AKT3: variants seen among roughly 807,000 people sequenced by gnomAD.
AKT3 encodes AKT serine/threonine kinase 3.
AKT3 carries 15 observed loss-of-function variants against 65.3 expected under a neutral mutation model. That is an observed-to-expected ratio of 0.23 (90% CI 0.15 to 0.35). AKT3 has a LOEUF of 0.35. AKT3 is among the 10% of genes least tolerant of loss of function. The pLI, the probability that AKT3 is intolerant of heterozygous loss-of-function variation, is 1.00. For missense variants in AKT3, 243 were observed against 576.5 expected, an observed-to-expected ratio of 0.42 and a Z score of 5.92; for synonymous variants, 206 against 183.8, an observed-to-expected ratio of 1.12 and a Z score of -0.98.
intron 12 of AKT3, among the ~76,000 whole-genome samples, chr1:243,525,057 G>A (rs1162774325): frequency 6.6e-6 from 1 of 152,104 alleles, no homozygotes; most frequent in Admixed American, 6.5e-5. Context: ...AAGTGAAGGA[G>A]GTGAAATTCC....
At chr1:243,829,901 C>G (rs1296171662) in intron 2 of AKT3, among the ~76,000 whole-genome samples, 1 of 152,230 alleles carries the variant, frequency 6.6e-6, no homozygotes, top group Non-Finnish European at 1.5e-5. Context: ...CAGTGACAGA[C>G]TATGAGAAGA....
downstream of AKT3, among the ~76,000 whole-genome samples, chr1:243,495,702 G>A (rs1667670917): frequency 6.6e-6 from 1 of 152,156 alleles, no homozygotes; most frequent in Non-Finnish European, 1.5e-5. Context: ...CTGACAGGTG[G>A]GCGGTCCTGC....
At chr1:243,690,851 C>T (rs902708089) in intron 3 of AKT3, among the ~76,000 whole-genome samples, 6 of 152,100 alleles carry the variant, frequency 3.9e-5, no homozygotes, top group African/African-American at 1.4e-4. Flanking sequence ...TTTCTAAAGG[C>T]TTCATTTTTC....
intron 3 of AKT3, among the ~76,000 whole-genome samples, chr1:243,679,061 C>T (rs1469784184): frequency 6.6e-6 from 1 of 152,096 alleles, no homozygotes; most frequent in Non-Finnish European, 1.5e-5. Context: ...GGATGAAGAC[C>T]TTTATGATCC....
chr1:243,652,585 CAT>C (rs993182563), intron 4 of AKT3, among the ~76,000 whole-genome samples: 13 of 152,066 alleles, frequency 8.5e-5, no homozygotes, highest in Admixed American at 6.6e-4. Flanking sequence ...ATCAAATTCA[CAT>C]GTGACAATAC....
intron 3 of AKT3, among the ~76,000 whole-genome samples, chr1:243,674,132 T>C (rs1489580262): frequency 6.6e-6 from 1 of 152,168 alleles, no homozygotes; most frequent in Admixed American, 6.5e-5. Flanking sequence ...CCTTGGCTAA[T>C]TGAAATCATG....
rs150764667 is a variant in AKT3, at chr1:243,721,754, G to T, written c.47-26038C>A. Among the ~76,000 whole-genome samples the T allele has an allele frequency of 3.3e-3, 505 of 152,052 alleles. 4 individuals carry two copies. The highest frequency in any genetic ancestry group is 0.012 in the African/African-American group (500 of 41,478). On this transcript the variant is annotated intron_variant, in intron 2 of 13. Coordinates refer to ENST00000673466, the MANE Select transcript of AKT3 (RefSeq NM_005465.7). ...ATGTAATCCTACCTACTTTTAGAAG[G>T]TATCAAAATATTTGTAGAATTAAAA... is the stretch of plus-strand genomic sequence containing the variant.
chr1:243,737,807 G>A (rs910424243), intron 2 of AKT3, among the ~76,000 whole-genome samples: 1 of 152,088 alleles, frequency 6.6e-6, no homozygotes. Context: ...GAGCAAAAAG[G>A]ATTTCCCATC....
intron 2 of AKT3, among the ~76,000 whole-genome samples, chr1:243,815,804 A>ATTGTTGTTGTTGTT (rs1693486283): frequency 3.8e-5 from 1 of 26,414 alleles, no homozygotes; most frequent in Non-Finnish European, 1.4e-4. Flanking sequence ...TGTTGTAGAG[A>ATTGTTGTTGTTGTT]TGAGGTTTCA....
intron 8 of AKT3, among the ~76,000 whole-genome samples, chr1:243,581,607 A>G (rs74466119): frequency 0.012 from 1,863 of 152,226 alleles, 16 homozygotes; most frequent in Non-Finnish European, 0.019. Flanking sequence ...TACCTGCATG[A>G]AAATAATTAC....
At chr1:243,581,311 C>A (rs941012748) in intron 8 of AKT3, among the ~76,000 whole-genome samples, 6 of 152,190 alleles carry the variant, frequency 3.9e-5, no homozygotes, top group African/African-American at 1.4e-4. Context: ...TTGGCCATAG[C>A]CTGTGGCAAC....
intron 13 of AKT3, chr1:243,489,012 A>G: frequency 6.2e-7 from 1 of 1,613,392 alleles, no homozygotes; most frequent in African/African-American, 1.3e-5. Context: ...ATTTTTCTCC[A>G]GGCTAAGGCA....
In AKT3 at chr1:243,507,227, C is replaced by A. The variant is rs574300262; in HGVS notation, c.1355-1893G>T. Among the ~76,000 whole-genome samples the A allele has an allele frequency of 2.9e-4, 44 of 152,318 alleles. 1 individual carries two copies. In the South Asian group the frequency reaches 8.9e-3, roughly 31 times the overall value. On this transcript the variant is annotated intron_variant, in intron 13 of 13. Transcript: ENST00000673466. ...TTCCAGCCCGGCGAGGTTCAGCACC[C>A]AGGTTAGCCAGATGCTCAACAGGGG...
intron 6 of AKT3, among the ~76,000 whole-genome samples, chr1:243,617,383 T>C (rs1353443744): frequency 2.6e-5 from 4 of 152,002 alleles, no homozygotes; most frequent in Non-Finnish European, 4.4e-5. Context: ...CAAGTGGCTA[T>C]TTTGTGATAT....
intron 4 of AKT3, among the ~76,000 whole-genome samples, chr1:243,651,424 T>C (rs1316161844): frequency 6.6e-6 from 1 of 152,136 alleles, no homozygotes; most frequent in Non-Finnish European, 1.5e-5. Flanking sequence ...GAACTTTCAA[T>C]ACTATGTTGA....
intron 12 of AKT3, among the ~76,000 whole-genome samples, chr1:243,535,086 TTAAG>T (rs1489334709): frequency 1.3e-5 from 2 of 150,760 alleles, no homozygotes; most frequent in Admixed American, 6.6e-5. Flanking sequence ...TCTAGACATG[TTAAG>T]TAAGTGTATT....
intron 6 of AKT3, among the ~76,000 whole-genome samples, chr1:243,633,523 A>G (rs1679758861): frequency 6.6e-6 from 1 of 152,160 alleles, no homozygotes. Flanking sequence ...CAGAATTGTA[A>G]AGAAGTGGAG....
At chr1:243,627,156 T>C (rs1256619337) in intron 6 of AKT3, among the ~76,000 whole-genome samples, 1 of 152,168 alleles carries the variant, frequency 6.6e-6, no homozygotes, top group African/African-American at 2.4e-5. Flanking sequence ...GCATCAGCAG[T>C]CTCTGACATG....
Position 243,843,210 on chromosome 1 carries a change from C to G in AKT3, c.-40G>C, listed in dbSNP as rs1332401369. ...GAGCCCCCAACTTGGAGAAATGGTACTTTGTGATATCAGCTTTAGGGTTTG... is the reference window on the plus strand; with the variant it reads ...GAGCCCCCAACTTGGAGAAATGGTAGTTTGTGATATCAGCTTTAGGGTTTG... On this transcript the variant is annotated 5_prime_UTR_variant, in exon 2 of 14. Coordinates refer to ENST00000673466, the MANE Select transcript of AKT3 (RefSeq NM_005465.7). The G allele has an allele frequency of 1.2e-6, 2 of 1,607,968 alleles. No individual in the cohort carries two copies. The highest frequency in any genetic ancestry group is 2.2e-5 in the South Asian group (2 of 89,758).
Sources: allele counts gnomAD v4.1 joint callset (sites outside exome capture counted in the v4.1 genomes callset), GRCh38; gene constraint gnomAD v4.1.1; transcripts MANE v1.5; gene names NCBI Gene and HGNC (gene_info 2026-07-23, HGNC 2026-07-21).